The following NR4A1 variants were observed in gnomAD, a reference collection of about 807,000 sequenced individuals.
The protein encoded by NR4A1 is nuclear receptor subfamily 4immunitygroup A member 1.
Under a neutral mutation model 47.5 loss-of-function variants are expected in NR4A1, and 24 were observed. That is an observed-to-expected ratio of 0.50 (90% confidence interval 0.37 to 0.71). NR4A1 has a LOEUF of 0.71. Ranked by LOEUF, NR4A1 falls within the 30% of genes least tolerant of loss-of-function variation. The pLI is 0.00. For missense variants in NR4A1, 669 were observed against 788.6 expected (o/e 0.85, Z 1.82); for synonymous variants, 353 against 345.7 (o/e 1.02, Z -0.24).
upstream of NR4A1, among the ~76,000 whole-genome samples, chr12:52,048,356 A>G (rs1480550662): frequency 6.6e-6 from 1 of 151,850 alleles, no homozygotes; most frequent in African/African-American, 2.4e-5. Context: ...GCACTTTGGG[A>G]GGCCAAGGCG....
chr12:52,039,380 G>T (rs1316234516), intron 1 of NR4A1, among the ~76,000 whole-genome samples: 1 of 152,224 alleles, frequency 6.6e-6, no homozygotes, highest in African/African-American at 2.4e-5. Flanking sequence ...ATTAAGAAAA[G>T]ACTAAAATAC....
chr12:52,058,584 G>A, intron 6 of NR4A1, 104 bp from the exon 7 acceptor site: 1 of 1,397,934 alleles, frequency 7.2e-7, no homozygotes, highest in Non-Finnish European at 9.5e-7. Context: ...TGCCAGCAGA[G>A]CATGAGGGGT....
chr12:52,037,237 C>T (rs1313294885), intron 1 of NR4A1: 3 of 379,678 alleles, frequency 7.9e-6, no homozygotes, highest in Non-Finnish European at 7.2e-6. Flanking sequence ...TTCCCGGGGG[C>T]GGGGGGCGCT....
chr12:52,038,466 G>A (rs1391995528), intron 1 of NR4A1: 2 of 465,140 alleles, frequency 4.3e-6, no homozygotes, highest in African/African-American at 4.0e-5. Context: ...TTGGTTGTGG[G>A]GCTAGTATTA....
At chr12:52,048,093 G>A (rs1938736306), upstream of NR4A1, among the ~76,000 whole-genome samples, 1 of 151,630 alleles carries the variant, frequency 6.6e-6, no homozygotes, top group South Asian at 2.1e-4. Flanking sequence ...GGCGGAGCTT[G>A]CAGTGAGCCG....
At chr12:52,041,959 C>T in intron 2 of NR4A1, 3 of 1,315,738 alleles carry the variant, frequency 2.3e-6, no homozygotes, top group Non-Finnish European at 2.9e-6. Context: ...CCTTTGTACA[C>T]CCCTCCAGCA....
Position 52,057,443 on chromosome 12 carries a change from A to G in NR4A1, c.1453A>G (p.Ser485Gly), listed in dbSNP as rs755714147. The G allele has an allele frequency of 1.1e-5, 18 of 1,614,236 alleles. No individual in the cohort carries two copies. In the South Asian group the frequency reaches 1.9e-4, roughly 17 times the overall value. ...CCGTGGCTTCGGGGACTGGATTGAC[A>G]GTATCCTGGCCTTCTCAAGGTCCCT... is the stretch of plus-strand genomic sequence containing the variant. ...CARGFGDWID[S>G]ILAFSRSLHS... Residue 485 changes from serine (S) to glycine (G), a missense_variant, in exon 6 of 7, where the codon AGT (serine) becomes GGT (glycine). By Grantham distance (56) the Ser-to-Gly change is moderately conservative. Coordinates refer to ENST00000394825, the MANE Select transcript of NR4A1 (RefSeq NM_173157.3).
chr12:52,056,657 C>T lies in NR4A1; in HGVS notation c.1158+12C>T. On this transcript the variant is annotated intron_variant, in intron 4 of 6. Coordinates refer to ENST00000394825, the MANE Select transcript of NR4A1 (RefSeq NM_173157.3). ...TGGACTACTCCAAGGTGAGGTCCCACCCCGTGTCTGCCTTGGGGAGGTCTA... is the reference window on the plus strand; with the variant it reads ...TGGACTACTCCAAGGTGAGGTCCCATCCCGTGTCTGCCTTGGGGAGGTCTA... 6.4e-7 allele frequency: 1 copy of T among 1,561,690 alleles called. No individual in the cohort carries two copies. Among genetic ancestry groups the T allele is most frequent in the Non-Finnish European group, 8.6e-7 (1 of 1,160,218 alleles).
At chr12:52,055,341 G>A in intron 2 of NR4A1, 137 bp downstream of exon 2, 1 of 1,156,524 alleles carries the variant, frequency 8.6e-7, no homozygotes, top group South Asian at 1.5e-5. Flanking sequence ...GCCCTGCCAG[G>A]TGGGCCGCCT....
chr12:52,030,013 T>C lies in NR4A1; in HGVS notation c.-84+7074T>C, dbSNP rs917493509. 8.7e-4 allele frequency among the ~76,000 whole-genome samples: 133 copies of C among 152,330 alleles called. 1 individual carries two copies. The highest frequency in any genetic ancestry group is 1.9e-4 in the East Asian group (1 of 5,188). On this transcript the variant is annotated intron_variant, in intron 1 of 7. Transcript: ENST00000360284. ...GCACACCCCTAGAAGTGGACACTTA[T>C]AAACTTCTGCATCTTTCTACCCCAG...
intron 1 of NR4A1, among the ~76,000 whole-genome samples, chr12:52,040,019 G>A (rs1209597562): frequency 6.6e-6 from 1 of 152,176 alleles, no homozygotes; most frequent in East Asian, 1.9e-4. Flanking sequence ...CCATTTTGGG[G>A]GCCACTTTCT....
chr12:52,035,290 TAGG>T (rs999660390), intron 1 of NR4A1, among the ~76,000 whole-genome samples: 12 of 152,206 alleles, frequency 7.9e-5, no homozygotes, highest in African/African-American at 2.4e-4. Flanking sequence ...TGATTATAAA[TAGG>T]AGAATATATA....
chr12:52,043,511 G>A (rs1239735954), intron 2 of NR4A1: 2 of 336,498 alleles, frequency 5.9e-6, no homozygotes, highest in East Asian at 1.8e-4. Flanking sequence ...TGCTGGTCTT[G>A]TGACGTGGGC....
chr12:52,030,700 A>G (rs1350304742), intron 1 of NR4A1, among the ~76,000 whole-genome samples: 1 of 152,208 alleles, frequency 6.6e-6, no homozygotes, highest in African/African-American at 2.4e-5. Context: ...AAGTGCTGGG[A>G]TTACAGGCGC....
intron 2 of NR4A1, among the ~76,000 whole-genome samples, chr12:52,044,075 G>A (rs1219285375): frequency 6.6e-6 from 1 of 152,226 alleles, no homozygotes; most frequent in African/African-American, 2.4e-5. Context: ...GCTGGATGAC[G>A]GTAGTTGGAC....
chr12:52,036,429 T>C (rs893328426), intron 1 of NR4A1, among the ~76,000 whole-genome samples: 20 of 152,148 alleles, frequency 1.3e-4, no homozygotes, highest in African/African-American at 4.8e-4. Flanking sequence ...ATCTACTGTG[T>C]ACAAGGCACC....
intron 1 of NR4A1, among the ~76,000 whole-genome samples, chr12:52,040,314 C>T (rs1446732270): frequency 6.6e-6 from 1 of 152,192 alleles, no homozygotes; most frequent in Admixed American, 6.5e-5. Context: ...CAAACTCTGG[C>T]CCCCGTTCTG....
chr12:52,056,986 G>C (rs1335064692), intron 4 of NR4A1, 71 bp from the exon 5 acceptor site: 2 of 1,390,908 alleles, frequency 1.4e-6, no homozygotes, highest in East Asian at 2.5e-5. Flanking sequence ...CCAAGTGTCT[G>C]ACACAGCCAT....
Position 52,054,933 on chromosome 12 carries a change from T to C in NR4A1, c.605T>C (p.Leu202Pro). 6.2e-7 allele frequency: 1 copy of C among 1,614,122 alleles called. No individual in the cohort carries two copies. Among genetic ancestry groups the C allele is most frequent in the Non-Finnish European group, 8.5e-7 (1 of 1,180,014 alleles). ...CCTCCCACCGGCCCCAGCCCCAGCC[T>C]GGCCCAGAGCCCCCTGAAGTTGTTC... Reference protein sequence around the residue: ...FSPPTGPSPSLAQSPLKLFPS... With the variant: ...FSPPTGPSPSPAQSPLKLFPS... Residue 202 changes from leucine to proline, a missense_variant, in exon 2 of 7, where the codon CTG becomes CCG. Physicochemically the swap from Leu to Pro is moderately conservative, Grantham distance 98. Transcript: ENST00000394825.
Sources: allele counts gnomAD v4.1 joint callset (sites outside exome capture counted in the v4.1 genomes callset), GRCh38; gene constraint gnomAD v4.1.1; transcripts MANE v1.5; gene names NCBI Gene and HGNC (gene_info 2026-07-23, HGNC 2026-07-21).